The following ZFHX4 variants were observed in gnomAD, a reference collection of about 807,000 sequenced individuals.
ZFHX4 encodes zinc finger homeobox protein 4.
ZFHX4 carries 56 observed loss-of-function variants against 267.6 expected under a neutral mutation model. The observed-to-expected ratio is 0.21, with a 90% CI of 0.17 to 0.26. The LOEUF (loss-of-function observed/expected upper bound fraction) is 0.26, where lower values mean the gene tolerates loss of function less well. ZFHX4 is among the 10% of genes least tolerant of loss of function. The pLI, the probability that ZFHX4 is intolerant of heterozygous loss-of-function variation, is 1.00. For missense variants in ZFHX4, 4,332 were observed against 4,420.0 expected, an observed-to-expected ratio of 0.98 and a Z score of 0.56; for synonymous variants, 1,778 against 1,665.6, an observed-to-expected ratio of 1.07 and a Z score of -1.64.
chr8:76,803,236 T>TTG (rs199703573), intron 4 of ZFHX4, among the ~76,000 whole-genome samples: 3 of 151,290 alleles, frequency 2.0e-5, no homozygotes, highest in Admixed American at 6.6e-5. Context: ...TAAATCAATA[T>TTG]TGTGTGTGTG....
Position 76,706,254 on chromosome 8 carries a change from G to A in ZFHX4, c.2166G>A (p.Lys722=). The change falls in exon 2 of 11, where the codon AAG becomes AAA. Residue 722 remains lysine, a synonymous_variant. Coordinates refer to ENST00000651372, the MANE Select transcript of ZFHX4 (RefSeq NM_024721.5). The part of the protein sequence containing the change: ...GNLSIHMQSD[K]HLNNVQNLQN... ...TCAGTATTCATATGCAGTCGGACAAGCACCTGAACAATGTTCAGAATCTCC... is the reference window on the plus strand; with the variant it reads ...TCAGTATTCATATGCAGTCGGACAAACACCTGAACAATGTTCAGAATCTCC... 6.2e-7 allele frequency: 1 copy of A among 1,614,068 alleles called. No homozygotes were observed. The highest frequency in any genetic ancestry group is 1.1e-5 in the South Asian group (1 of 91,072).
rs1256378658 is a variant in ZFHX4, at chr8:76,850,941, T to C, written c.4020T>C (p.Asn1340=). The change falls in exon 10 of 11, where the codon AAT becomes AAC. Residue 1340 remains asparagine, a synonymous_variant. Transcript: ENST00000651372. ...CAGGTCTCGAGGATTCAAAGGCTAA[T>C]GTGGAAGTAAAGAATGAGGAGCAGA... ...SMAGLEDSKA[N]VEVKNEEQKP... 3 of 1,613,286 alleles carry C rather than the reference T, an allele frequency of 1.9e-6. No individual in the cohort carries two copies. Among genetic ancestry groups the C allele is most frequent in the East Asian group, 4.5e-5 (2 of 44,808 alleles).
chr8:76,829,273 G>A (rs1187480176), intron 4 of ZFHX4, among the ~76,000 whole-genome samples: 2 of 120,018 alleles, frequency 1.7e-5, no homozygotes, highest in Non-Finnish European at 3.3e-5. Context: ...ATCCCAATTA[G>A]CCGGGGCGGG....
Position 76,700,791 on chromosome 8 carries a change from G to A in ZFHX4, c.-46-3252G>A, listed in dbSNP as rs143107805. On this transcript the variant is annotated intron_variant, in intron 1 of 10. Coordinates refer to ENST00000651372, the MANE Select transcript of ZFHX4 (RefSeq NM_024721.5). ...GAATTTAGCATTAAAACTATGTTAG[G>A]TTTTCTCTTCGGGATTTCTTGAGGA... 2.4e-3 allele frequency among the ~76,000 whole-genome samples: 366 copies of A among 152,208 alleles called. 2 individuals are homozygous for A. The highest frequency in any genetic ancestry group is 8.5e-3 in the African/African-American group (352 of 41,542).
At chr8:76,840,769 C>T (rs1283893045) in intron 5 of ZFHX4, among the ~76,000 whole-genome samples, 2 of 152,148 alleles carry the variant, frequency 1.3e-5, no homozygotes, top group African/African-American at 4.8e-5. Flanking sequence ...CCACAGCTGT[C>T]ATAGGTCGCG....
At position 76,783,005 on chromosome 8, in the gene ZFHX4, G is replaced by A. The variant is rs530905952; in HGVS notation, c.3325+4566G>A. Among the ~76,000 whole-genome samples the A allele has an allele frequency of 2.6e-4, 40 of 152,098 alleles. No individual in the cohort carries two copies. In the South Asian group the frequency reaches 8.1e-3, roughly 31 times the overall value. On this transcript the variant is annotated intron_variant, in intron 4 of 10. Coordinates refer to ENST00000651372, the MANE Select transcript of ZFHX4 (RefSeq NM_024721.5). Reference sequence around the variant, plus strand: ...TATCTTGCTAGAAGAGGCTAGCACAGCATTAGCAGAAGAGCATAGAAAGGT... The same window carrying A: ...TATCTTGCTAGAAGAGGCTAGCACAACATTAGCAGAAGAGCATAGAAAGGT...
At chr8:76,811,463 T>C (rs1389698159) in intron 4 of ZFHX4, among the ~76,000 whole-genome samples, 1 of 152,208 alleles carries the variant, frequency 6.6e-6, no homozygotes, top group Non-Finnish European at 1.5e-5. Context: ...CATTTCAGTG[T>C]CTGTGGTTGT....
In ZFHX4 at chr8:76,705,719, C is replaced by G. The variant is rs1006439650; in HGVS notation, c.1631C>G (p.Ala544Gly). ...AAAAAACAGACTGCTGCTGTTAGGGCCAGTGGCAGTGTTGCTAGTAACTAT... is the reference window on the plus strand; with the variant it reads ...AAAAAACAGACTGCTGCTGTTAGGGGCAGTGGCAGTGTTGCTAGTAACTAT... ...EKKKQTAAVR[A>G]SGSVASNYGI... is the part of the protein sequence containing the mutation. The change falls in exon 2 of 11, where the codon GCC becomes GGC. Residue 544 changes from alanine to glycine, a missense_variant. Ala to Gly is a moderately conservative substitution (Grantham distance 60). This residue lies in a region of ZFHX4 where 1,195 missense variants were observed against 1,173.6 expected (regional missense o/e 1.02). Coordinates refer to ENST00000651372, the MANE Select transcript of ZFHX4 (RefSeq NM_024721.5). 2.5e-6 allele frequency: 4 copies of G among 1,613,858 alleles called. No homozygotes were observed. The highest frequency in any genetic ancestry group is 3.3e-5 in the Admixed American group (2 of 59,994).
intron 4 of ZFHX4, among the ~76,000 whole-genome samples, chr8:76,792,041 G>A (rs569498425): frequency 2.6e-5 from 4 of 152,048 alleles, no homozygotes; most frequent in Middle Eastern, 3.4e-3. Context: ...GGTTACAAAG[G>A]TGATGACCTT....
chr8:76,771,381 T>C (rs1485752504), intron 3 of ZFHX4, among the ~76,000 whole-genome samples: 1 of 152,186 alleles, frequency 6.6e-6, no homozygotes, highest in Non-Finnish European at 1.5e-5. Context: ...AGATGCTCTC[T>C]GAATTGTTAA....
chr8:76,782,238 G>A, intron 4 of ZFHX4: 1 of 421,524 alleles, frequency 2.4e-6, no homozygotes, highest in Non-Finnish European at 4.8e-6. Flanking sequence ...ATAGATGTGA[G>A]GAATTTCTGG....
chr8:76,834,236 C>T, intron 5 of ZFHX4: 1 of 358,602 alleles, frequency 2.8e-6, no homozygotes, highest in Admixed American at 3.3e-5. Context: ...TTTTCAACTC[C>T]CTTTGATAAA....
intron 3 of ZFHX4, among the ~76,000 whole-genome samples, chr8:76,719,691 C>T (rs1808669341): frequency 6.6e-6 from 1 of 152,060 alleles, no homozygotes; most frequent in African/African-American, 2.4e-5. Flanking sequence ...ATAATAGATA[C>T]CACAAGATTC....
rs1813020804 is a variant in ZFHX4, at chr8:76,866,159, T to A, written c.*1594T>A. On this transcript the variant is annotated 3_prime_UTR_variant, in exon 11 of 11. Transcript: ENST00000651372. ...TATTTGTAAGAAAGTTAAAGGCTTG[T>A]GAACAAAGAAAGCTAAGCTGTTGTA... 6.6e-6 allele frequency: 1 copy of A among 152,648 alleles called. No homozygotes were observed. The allele number at this position is 152,648 out of a possible 1,614,324, so 9.5% of individuals were successfully genotyped here.
chr8:76,814,346 A>G (rs1378460245), intron 4 of ZFHX4, among the ~76,000 whole-genome samples: 2 of 152,236 alleles, frequency 1.3e-5, no homozygotes, highest in Non-Finnish European at 2.9e-5. Context: ...GTTTTACATC[A>G]ATATGATAAA....
chr8:76,778,470 G>T, intron 4 of ZFHX4, 31 bp downstream of exon 4: 1 of 1,561,096 alleles, frequency 6.4e-7, no homozygotes. Context: ...CTGTCTCTGA[G>T]CCTCCCTCCA....
chr8:76,783,320 G>A (rs189917936), intron 4 of ZFHX4, among the ~76,000 whole-genome samples: 11 of 152,072 alleles, frequency 7.2e-5, no homozygotes, highest in Middle Eastern at 3.4e-3. Context: ...TGCATGATGC[G>A]TTTAAAATAA....
At chr8:76,775,575 G>A (rs1372526001) in intron 3 of ZFHX4, among the ~76,000 whole-genome samples, 2 of 152,198 alleles carry the variant, frequency 1.3e-5, no homozygotes, top group African/African-American at 4.8e-5. Context: ...TAAAGGAAAA[G>A]ATGTGTGTTA....
chr8:76,794,723 A>G (rs1810926092), intron 4 of ZFHX4, among the ~76,000 whole-genome samples: 1 of 152,210 alleles, frequency 6.6e-6, no homozygotes, highest in South Asian at 2.1e-4. Flanking sequence ...TCTACTCAAA[A>G]AAAGAATTAA....
Sources: gnomAD v4.1 joint callset for allele counts (sites outside exome capture counted in the v4.1 genomes callset) on GRCh38, gnomAD v4.1.1 for gene constraint, gnomAD v4.1.1 regional missense constraint, MANE v1.5 for transcripts, NCBI Gene and HGNC (gene_info 2026-07-23, HGNC 2026-07-21) for gene names.